Variants in ARL10 observed in about 807,000 individuals in gnomAD.
The protein encoded by ARL10 is ADP-ribosylation factor-like protein 10.
Under a neutral mutation model 26.1 loss-of-function variants are expected in ARL10, and 23 were observed. That is an observed-to-expected ratio of 0.88 (90% CI 0.63 to 1.25). The LOEUF (loss-of-function observed/expected upper bound fraction) is 1.25. Among genes scored for constraint, ARL10 ranks in the 50% most tolerant of loss-of-function variants. The pLI is 0.00. For missense variants in ARL10, 300 were observed against 323.6 expected, an observed-to-expected ratio of 0.93 and a Z score of 0.56; for synonymous variants, 138 against 149.1, an observed-to-expected ratio of 0.93 and a Z score of 0.54.
chr5:176,412,033 A>G, the ARL10 span, among the ~76,000 whole-genome samples: 986 of 151,906 alleles, frequency 6.5e-3, 9 homozygotes, highest in African/African-American at 0.022. Context: ...AAAATTAGCC[A>G]GGCGTGGTGG....
intron 1 of ARL10, among the ~76,000 whole-genome samples, chr5:176,396,089 C>T (rs1268845210): frequency 6.6e-6 from 1 of 152,060 alleles, no homozygotes. Context: ...GAGCCGAGAT[C>T]GCAGCACTGC....
chr5:176,385,069 T>C (rs2113580055), downstream of ARL10: 1 of 660,226 alleles, frequency 1.5e-6, no homozygotes, highest in East Asian at 2.7e-5. Flanking sequence ...TCATTCAAGT[T>C]AGATCCCTGT....
the ARL10 span, among the ~76,000 whole-genome samples, chr5:176,413,504 G>A: frequency 7.2e-5 from 11 of 152,326 alleles, no homozygotes; most frequent in East Asian, 1.9e-3. Context: ...TGTGGCTCCA[G>A]CACAGGCCTA....
At chr5:176,394,938 A>G (rs1330007014) in intron 1 of ARL10, among the ~76,000 whole-genome samples, 3 of 151,866 alleles carry the variant, frequency 2.0e-5, no homozygotes, top group Admixed American at 6.6e-5. Context: ...ATTCCACAGC[A>G]CCCATGCCCA....
Position 176,368,128 on chromosome 5 carries a change from A to G in ARL10, c.386-679A>G, listed in dbSNP as rs897040837. ...GAAACACTAGGGTGCGGGGTGACCA[A>G]TGGGACTGTGCAGAGGAGCAGAGAG... On this transcript the variant is annotated intron_variant, in intron 2 of 3. Coordinates refer to ENST00000310389, the MANE Select transcript of ARL10 (RefSeq NM_173664.6). This position sits in a 1 kb window ranked among gnomAD's most constrained non-coding sequence, Gnocchi z 4.1. The G allele has an allele frequency of 6.4e-6, 3 of 469,846 alleles. No homozygotes were observed. The highest frequency in any genetic ancestry group is 3.1e-5 in the South Asian group (2 of 64,976). The allele number at this position is 469,846 out of a possible 1,614,324, so 29.1% of individuals were successfully genotyped here.
chr5:176,413,345 C>A, the ARL10 span, among the ~76,000 whole-genome samples: 1 of 152,214 alleles, frequency 6.6e-6, no homozygotes, highest in East Asian at 1.9e-4. Context: ...TGGGCTTGCC[C>A]AGAACTGACA....
the ARL10 span, among the ~76,000 whole-genome samples, chr5:176,412,133 G>A: frequency 0.46 from 67,906 of 146,512 alleles, 15,844 homozygotes; most frequent in African/African-American, 0.57. Flanking sequence ...CCGAGATCCC[G>A]CCACTGCACT....
At chr5:176,401,391 A>G (rs1756809053) in intron 1 of ARL10, among the ~76,000 whole-genome samples, 1 of 152,232 alleles carries the variant, frequency 6.6e-6, no homozygotes, top group African/African-American at 2.4e-5. Context: ...CCACCACCCA[A>G]TCCCCACTCC....
downstream of ARL10, among the ~76,000 whole-genome samples, chr5:176,403,406 C>G (rs68144726): frequency 0.22 from 32,869 of 151,600 alleles, 3,580 homozygotes; most frequent in South Asian, 0.28. Context: ...TTTCTTTAAT[C>G]TTCGCAACCC....
In ARL10 at chr5:176,371,766, G is replaced by C; in HGVS notation, c.606G>C (p.Leu202=). The C allele has an allele frequency of 6.2e-7, 1 of 1,614,248 alleles. No homozygotes were observed. The highest frequency in any genetic ancestry group is 8.5e-7 in the Non-Finnish European group (1 of 1,180,054). ...GTATGGGGGAGCTGCAGCGGGAGCTGGGTCTACAGGCTATCGATAACCAGC... is the reference window on the plus strand; with the variant it reads ...GTATGGGGGAGCTGCAGCGGGAGCTCGGTCTACAGGCTATCGATAACCAGC... ...AMSMGELQRE[L]GLQAIDNQRE... The change falls in exon 4 of 4, where the codon CTG becomes CTC. Residue 202 remains leucine (L), a synonymous_variant. Coordinates refer to ENST00000310389, the MANE Select transcript of ARL10 (RefSeq NM_173664.6).
chr5:176,404,374 CG>C (rs1208479569), downstream of ARL10, among the ~76,000 whole-genome samples: 1 of 152,216 alleles, frequency 6.6e-6, no homozygotes, highest in African/African-American at 2.4e-5. Context: ...GAGAAGCGTC[CG>C]GGGCTGCAGA....
At position 176,381,496 on chromosome 5, in the gene ARL10, C is replaced by A. The variant is rs1755551325; in HGVS notation, c.*9601C>A. On this transcript the variant is annotated 3_prime_UTR_variant, in exon 4 of 4. Coordinates refer to ENST00000310389, the MANE Select transcript of ARL10 (RefSeq NM_173664.6). ...TCATGAACCAGGTAGTGCTCAGGAC[C>A]AAAAGCGATGGTTCAGAATGTGTGC... 1 of 152,134 alleles carries A rather than the reference C, an allele frequency of 6.6e-6. No homozygotes were observed. Among genetic ancestry groups the A allele is most frequent in the Non-Finnish European group, 1.5e-5 (1 of 68,024 alleles). 9.4% of individuals were successfully genotyped at this position (152,134 alleles called of 1,614,324 possible). A position where few individuals can be genotyped will look rare whatever the true frequency, so the allele number is the denominator to read the frequency against.
rs74449173 is a variant in ARL10, at chr5:176,372,426, C to G, written c.*531C>G. ...TTGTGGCCTTGTGCAATCTCTGCCT[C>G]TCTGACCCCAGGGCCATTATTTTTA... On this transcript the variant is annotated 3_prime_UTR_variant, in exon 4 of 4. Coordinates refer to ENST00000310389, the MANE Select transcript of ARL10 (RefSeq NM_173664.6). 5.8e-3 allele frequency: 913 copies of G among 157,486 alleles called. 5 individuals are homozygous for G. Among genetic ancestry groups the G allele is most frequent in the Non-Finnish European group, 9.3e-3 (669 of 71,852 alleles). 9.8% of individuals were successfully genotyped at this position (157,486 alleles called of 1,614,324 possible). A position where few individuals can be genotyped will look rare whatever the true frequency, so the allele number is the denominator to read the frequency against.
chr5:176,384,099 T>C, downstream of ARL10: 5 of 1,605,622 alleles, frequency 3.1e-6, no homozygotes, highest in Non-Finnish European at 4.2e-6. Flanking sequence ...CACGTGTGTG[T>C]GTAACCTTCT....
the ARL10 span, among the ~76,000 whole-genome samples, chr5:176,411,973 G>A: frequency 9.8e-4 from 149 of 151,926 alleles, no homozygotes; most frequent in Middle Eastern, 3.4e-3. Context: ...TCAGGAGATC[G>A]AGACCATCCT....
In ARL10 at chr5:176,373,282, A is replaced by T; in HGVS notation, c.*1387A>T. The T allele has an allele frequency of 2.6e-6, 1 of 377,382 alleles. No homozygotes were observed. Among genetic ancestry groups the T allele is most frequent in the African/African-American group, 2.1e-5 (1 of 48,368 alleles). 23.4% of individuals were successfully genotyped at this position (377,382 alleles called of 1,614,324 possible). A position where few individuals can be genotyped will look rare whatever the true frequency, so the allele number is the denominator to read the frequency against. ...GTTGGACTGAATTTCTGGAGTTCTC[A>T]TCAGTGCACATTCCATAGTTCTCCA... On this transcript the variant is annotated 3_prime_UTR_variant, in exon 4 of 4. Coordinates refer to ENST00000310389, the MANE Select transcript of ARL10 (RefSeq NM_173664.6).
At chr5:176,388,970 A>G (rs1242622830), downstream of ARL10, 17 of 1,613,936 alleles carry the variant, frequency 1.1e-5, no homozygotes, top group Non-Finnish European at 1.4e-5. Context: ...GGTGGTACCC[A>G]TAGGTAAGTG....
exon 2 of ARL10, chr5:176,401,785 C>T (rs932476270): frequency 1.5e-5 from 7 of 456,050 alleles, no homozygotes; most frequent in Non-Finnish European, 3.1e-5. Context: ...CCCGAGGGTG[C>T]TGAGGCCCCA....
Position 176,377,239 on chromosome 5 carries a change from G to A in ARL10, c.*5344G>A, listed in dbSNP as rs907694163. The A allele has an allele frequency of 2.4e-4, 37 of 152,302 alleles. No individual in the cohort carries two copies. Among genetic ancestry groups the A allele is most frequent in the African/African-American group, 7.5e-4 (31 of 41,556 alleles). The allele number at this position is 152,302 out of a possible 1,614,324, so 9.4% of individuals were successfully genotyped here. A position where few individuals can be genotyped will look rare whatever the true frequency, so the allele number is the denominator to read the frequency against. On this transcript the variant is annotated 3_prime_UTR_variant, in exon 4 of 4. Coordinates refer to ENST00000310389, the MANE Select transcript of ARL10 (RefSeq NM_173664.6). This position sits in a 1 kb window ranked among gnomAD's most constrained non-coding sequence, Gnocchi z 4.5. The stretch of plus-strand genomic sequence containing the variant: ...TATCTTTGGCCAAGATAATCCAATC[G>A]ATTCAGTTAATTTTGCCAATTTTAG...
Sources: gnomAD v4.1 joint callset for allele counts (sites outside exome capture counted in the v4.1 genomes callset) on GRCh38, gnomAD v4.1.1 for gene constraint, Gnocchi (gnomAD v3.1) non-coding constraint, MANE v1.5 for transcripts, NCBI Gene and HGNC (gene_info 2026-07-23, HGNC 2026-07-21) for gene names.